The following CTBP2 variants were observed in gnomAD, a reference collection of about 807,000 sequenced individuals.
CTBP2 encodes the protein C-terminal binding protein 2, also known as C-terminal-binding protein 2.
A neutral mutation model predicts 80.3 loss-of-function variants in CTBP2; 30 were observed. The observed-to-expected ratio is 0.37, with a 90% CI of 0.28 to 0.51. The LOEUF is 0.51. Ranked by LOEUF, CTBP2 falls within the 20% of genes least tolerant of loss-of-function variation. CTBP2 has a pLI of 0.93. For missense variants in CTBP2, 1,212 were observed against 1,375.3 expected, an observed-to-expected ratio of 0.88 and a Z score of 1.88; for synonymous variants, 594 against 587.4, an observed-to-expected ratio of 1.01 and a Z score of -0.16.
intron 1 of CTBP2, among the ~76,000 whole-genome samples, chr10:125,144,433 A>G (rs1008040872): frequency 6.6e-6 from 1 of 152,232 alleles, no homozygotes; most frequent in African/African-American, 2.4e-5. Context: ...GTTACTAAAA[A>G]TAAAATAAGC....
chr10:125,112,934 C>T (rs1483602846), intron 1 of CTBP2, among the ~76,000 whole-genome samples: 1 of 152,228 alleles, frequency 6.6e-6, no homozygotes, highest in Non-Finnish European at 1.5e-5. Flanking sequence ...ACCATGCTCC[C>T]TGCTGTTTCC....
chr10:125,120,283 G>C (rs1015533401), intron 1 of CTBP2, among the ~76,000 whole-genome samples: 5 of 152,248 alleles, frequency 3.3e-5, no homozygotes, highest in Non-Finnish European at 5.9e-5. Flanking sequence ...AAGATGAGCA[G>C]GAAGTGGCAT....
rs1163796427 is a variant in CTBP2, at chr10:124,987,916, G to A, written c.*1602C>T. ...CATTAAATCAAGCTCTTAACTCATG[G>A]GACTATTTGCAACACTTCTTTGTAA... On this transcript the variant is annotated 3_prime_UTR_variant, in exon 9 of 9. Transcript: ENST00000309035. 2.0e-5 allele frequency: 3 copies of A among 152,322 alleles called. No homozygotes were observed. The East Asian group carries it at 5.8e-4, about 29-fold the overall frequency. The allele number at this position is 152,322 out of a possible 1,614,324, so 9.4% of individuals were successfully genotyped here.
At chr10:125,101,280 C>T (rs1245504554) in intron 2 of CTBP2, among the ~76,000 whole-genome samples, 1 of 152,234 alleles carries the variant, frequency 6.6e-6, no homozygotes, top group Non-Finnish European at 1.5e-5. Flanking sequence ...AGCCTCATGT[C>T]TTCGTCCTCT....
At chr10:125,083,510 G>A (rs1164560283) in intron 2 of CTBP2, among the ~76,000 whole-genome samples, 4 of 152,144 alleles carry the variant, frequency 2.6e-5, no homozygotes. Context: ...CTACAAAAAA[G>A]GAAAAGATAC....
At chr10:125,061,776 T>G (rs1965017889) in intron 2 of CTBP2, among the ~76,000 whole-genome samples, 1 of 152,076 alleles carries the variant, frequency 6.6e-6, no homozygotes, top group Non-Finnish European at 1.5e-5. Context: ...CTCCTCACGG[T>G]CACTGCAACT....
chr10:125,022,744 C>G (rs1957177075), intron 1 of CTBP2, among the ~76,000 whole-genome samples: 1 of 152,224 alleles, frequency 6.6e-6, no homozygotes, highest in Non-Finnish European at 1.5e-5. Flanking sequence ...GGTCACAGCC[C>G]CTGGACCTCA....
chr10:125,055,845 C>T (rs745777288), intron 2 of CTBP2, among the ~76,000 whole-genome samples: 1 of 152,148 alleles, frequency 6.6e-6, no homozygotes, highest in Admixed American at 6.5e-5. Context: ...GAGGCTGGAA[C>T]GCTTTTTAGC....
chr10:124,984,519 A>G lies in CTBP2; in HGVS notation c.*4999T>C, dbSNP rs1951988576. 2.3e-6 allele frequency: 1 copy of G among 430,256 alleles called. No individual in the cohort carries two copies. Among genetic ancestry groups the G allele is most frequent in the South Asian group, 5.2e-5 (1 of 19,366 alleles). The allele number at this position is 430,256 out of a possible 1,614,324, so 26.7% of individuals were successfully genotyped here. A position where few individuals can be genotyped will look rare whatever the true frequency, so the allele number is the denominator to read the frequency against. On this transcript the variant is annotated 3_prime_UTR_variant, in exon 9 of 9. Coordinates refer to ENST00000309035, the MANE Select transcript of CTBP2 (RefSeq NM_022802.3). ...TATTAGGACATTTGTTTTTTATTTTATCTAACAAATTACCCTCTAGTGTGC... is the reference window on the plus strand; with the variant it reads ...TATTAGGACATTTGTTTTTTATTTTGTCTAACAAATTACCCTCTAGTGTGC...
chr10:125,160,636 C>T (rs1473275373), upstream of CTBP2: 2 of 111,860 alleles, frequency 1.8e-5, no homozygotes, highest in Admixed American at 8.5e-5. Flanking sequence ...CCTCCCCACC[C>T]TACCCCTCCC....
chr10:125,044,106 C>A (rs1480460057), intron 2 of CTBP2, among the ~76,000 whole-genome samples: 1 of 152,186 alleles, frequency 6.6e-6, no homozygotes, highest in Non-Finnish European at 1.5e-5. Context: ...TCCCTGCAAC[C>A]CAGATGGCCG....
At position 125,027,973 on chromosome 10, in the gene CTBP2, C is replaced by G; in HGVS notation, c.-214G>C. ...TAAGACTCACGGTAACTTTGCCTCA[C>G]TCCCCAACGATAGCCAGAGAGGTCT... On this transcript the variant is annotated 5_prime_UTR_variant, in exon 1 of 9. Transcript: ENST00000309035. 2 of 1,346,778 alleles carry G rather than the reference C, an allele frequency of 1.5e-6. No homozygotes were observed. The highest frequency in any genetic ancestry group is 3.3e-5 in the South Asian group (2 of 60,582). The allele number at this position is 1,346,778 out of a possible 1,614,324, so 83.4% of individuals were successfully genotyped here.
At chr10:125,113,537 G>A (rs34580354) in intron 1 of CTBP2, among the ~76,000 whole-genome samples, 11,476 of 152,196 alleles carry the variant, frequency 0.075, 499 homozygotes, top group African/African-American at 0.11. Flanking sequence ...ATTTCCAATG[G>A]TTTACACAGA....
chr10:125,027,606 CA>C lies in CTBP2; in HGVS notation c.153del (p.Phe51LeufsTer48). On this transcript the variant is annotated frameshift_variant, in exon 1 of 9. Transcript: ENST00000309035. LOFTEE classifies it high-confidence loss of function. ...GCGTCCTGTGGTCGGTGGTTTGGCT[CA>C]AACCAAGTCCCCTCTGCTGTGCCAT... 1 of 1,614,040 alleles carries C rather than the reference CA, an allele frequency of 6.2e-7. No homozygotes were observed. Among genetic ancestry groups the C allele is most frequent in the Non-Finnish European group, 8.5e-7 (1 of 1,180,024 alleles).
Position 125,002,001 on chromosome 10 carries a change from G to A in CTBP2, c.1978+959C>T, listed in dbSNP as rs180793712. On this transcript the variant is annotated intron_variant, in intron 3 of 8. Coordinates refer to ENST00000309035, the MANE Select transcript of CTBP2 (RefSeq NM_022802.3). ...GCCCATCTGACACCCAGCCCGTCCC[G>A]GAAGCACCGGGGCCCACTGGGGCCT... 3.9e-3 allele frequency among the ~76,000 whole-genome samples: 595 copies of A among 152,304 alleles called. 1 individual carries two copies. The highest frequency in any genetic ancestry group is 6.8e-3 in the Middle Eastern group (2 of 294).
intron 1 of CTBP2, among the ~76,000 whole-genome samples, chr10:125,132,309 C>T (rs1372860742): frequency 3.9e-5 from 6 of 152,098 alleles, no homozygotes. Flanking sequence ...AAAAAAAATG[C>T]CGTCAATTAA....
Position 125,026,090 on chromosome 10 carries a change from G to C in CTBP2, c.1670C>G (p.Pro557Arg), listed in dbSNP as rs1314552592. ...CGGGGAGGATGTATTACTTGGTTCT[G>C]GTGCAAGCATGGTGGACACGATGAT... Residue 557 changes from proline to arginine, a missense_variant, in exon 1 of 9, where the codon CCA (proline) becomes CGA (arginine). Coordinates refer to ENST00000309035, the MANE Select transcript of CTBP2 (RefSeq NM_022802.3). 1.9e-6 allele frequency: 3 copies of C among 1,565,032 alleles called. No homozygotes were observed. Among genetic ancestry groups the C allele is most frequent in the Non-Finnish European group, 2.6e-6 (3 of 1,150,648 alleles).
At chr10:125,014,136 C>T (rs377716031) in intron 1 of CTBP2, among the ~76,000 whole-genome samples, 23 of 152,314 alleles carry the variant, frequency 1.5e-4, no homozygotes, top group Non-Finnish European at 2.8e-4. Context: ...AAGACCGAGA[C>T]GCCACAGGAT....
intron 1 of CTBP2, among the ~76,000 whole-genome samples, chr10:125,111,730 A>T (rs1852324247): frequency 6.6e-6 from 1 of 152,234 alleles, no homozygotes; most frequent in South Asian, 2.1e-4. Context: ...TCTACATGGA[A>T]CAGAGAAGGA....
Sources: allele counts gnomAD v4.1 joint callset (sites outside exome capture counted in the v4.1 genomes callset), GRCh38; gene constraint gnomAD v4.1.1; transcripts MANE v1.5; gene names NCBI Gene and HGNC (gene_info 2026-07-23, HGNC 2026-07-21).